Variants in TMEM74 observed in about 807,000 individuals in gnomAD.
The protein encoded by TMEM74 is transmembrane protein 74.
In TMEM74, 13 loss-of-function variants were observed where a neutral mutation model predicts 18.1. The observed-to-expected ratio is 0.72, with a 90% CI of 0.47 to 1.14. The LOEUF is 1.14. TMEM74 is among the 50% of genes most tolerant of loss of function. The probability of loss-of-function intolerance (pLI) is 0.00; values close to 1 mark genes in which losing one functional copy is unlikely to be tolerated. For synonymous variants in TMEM74, 159 were observed against 146.6 expected (o/e 1.08, Z -0.61); for missense variants, 372 against 375.9 (o/e 0.99, Z 0.09).
chr8:108,668,415 T>C (rs1001220775), intron 1 of TMEM74, among the ~76,000 whole-genome samples: 1 of 152,180 alleles, frequency 6.6e-6, no homozygotes, highest in Non-Finnish European at 1.5e-5. Flanking sequence ...GTTAATGTTA[T>C]TAGGGAAGTT....
chr8:108,696,853 T>C (rs1351780522), intron 1 of TMEM74, among the ~76,000 whole-genome samples: 1 of 152,214 alleles, frequency 6.6e-6, no homozygotes, highest in African/African-American at 2.4e-5. Flanking sequence ...ACAGGCCTTA[T>C]TTGTGTTCAT....
At chr8:108,649,782 C>T (rs1286325783) in intron 2 of TMEM74, among the ~76,000 whole-genome samples, 1 of 152,128 alleles carries the variant, frequency 6.6e-6, no homozygotes, top group Non-Finnish European at 1.5e-5. Flanking sequence ...CTGCACTGTT[C>T]AGTAGCCAGG....
intron 1 of TMEM74, among the ~76,000 whole-genome samples, chr8:108,657,821 T>G (rs1812849674): frequency 2.6e-5 from 3 of 114,484 alleles, no homozygotes; most frequent in African/African-American, 3.6e-5. Context: ...GTAGCCTGGG[T>G]GACAGAGTGA....
intron 1 of TMEM74, among the ~76,000 whole-genome samples, chr8:108,751,332 A>C (rs1341354759): frequency 6.6e-6 from 1 of 152,146 alleles, no homozygotes; most frequent in East Asian, 1.9e-4. Flanking sequence ...TACATTGTGC[A>C]TCTCATTCCA....
chr8:108,682,737 A>G (rs887370132), intron 1 of TMEM74, among the ~76,000 whole-genome samples: 3 of 152,060 alleles, frequency 2.0e-5, no homozygotes, highest in African/African-American at 7.2e-5. Context: ...GCTTACAAGT[A>G]CTTACAATAT....
intron 1 of TMEM74, among the ~76,000 whole-genome samples, chr8:108,737,508 A>T (rs2130643657): frequency 6.6e-6 from 1 of 152,264 alleles, no homozygotes; most frequent in South Asian, 2.1e-4. Flanking sequence ...AAATGTGTAG[A>T]TTCTAAATAT....
chr8:108,613,504 C>T (rs1192736219), intron 2 of TMEM74, among the ~76,000 whole-genome samples: 7 of 152,208 alleles, frequency 4.6e-5, no homozygotes, highest in African/African-American at 1.7e-4. Context: ...CACGAAATGG[C>T]TCTGGGTATT....
intron 2 of TMEM74, chr8:108,626,817 AT>A (rs1180865579): frequency 6.6e-6 from 1 of 151,990 alleles, no homozygotes; most frequent in Admixed American, 6.6e-5. Flanking sequence ...CATACATTTT[AT>A]CAACACTTCA....
At chr8:108,644,785 T>A (rs1812700779) in intron 2 of TMEM74, among the ~76,000 whole-genome samples, 1 of 152,010 alleles carries the variant, frequency 6.6e-6, no homozygotes. Flanking sequence ...GAAATGTAAG[T>A]CAAAACCACC....
chr8:108,669,121 G>A (rs1482222678), intron 1 of TMEM74, among the ~76,000 whole-genome samples: 3 of 152,020 alleles, frequency 2.0e-5, no homozygotes, highest in Non-Finnish European at 2.9e-5. Flanking sequence ...TTAGGTTGCT[G>A]TTAGAGCATA....
intron 1 of TMEM74, among the ~76,000 whole-genome samples, chr8:108,706,259 A>G (rs2130619362): frequency 6.6e-6 from 1 of 152,348 alleles, no homozygotes; most frequent in Non-Finnish European, 1.5e-5. Flanking sequence ...GGTTCCATTT[A>G]ATTTATAAAA....
intron 1 of TMEM74, among the ~76,000 whole-genome samples, chr8:108,714,826 C>T (rs533746439): frequency 2.0e-5 from 3 of 152,250 alleles, no homozygotes; most frequent in East Asian, 3.9e-4. Context: ...ATATATATAC[C>T]ATGGAATACC....
At chr8:108,765,576 T>C (rs1323469134) in intron 1 of TMEM74, among the ~76,000 whole-genome samples, 2 of 151,716 alleles carry the variant, frequency 1.3e-5, no homozygotes, top group East Asian at 2.0e-4. Context: ...CCCGGCTAAT[T>C]TTTTGTATGT....
rs948057406 is a variant in TMEM74 at position 108,730,226 on chromosome 8, G to A, written n.119+57250C>T. ...ATGCTGATCAATAGAGTGGGGCTGG[G>A]GAGTCAAGCTGGCAGGCTGGGCTGT... is the stretch of plus-strand genomic sequence containing the variant. On this transcript the variant is annotated intron_variant and non_coding_transcript_variant, in intron 1 of 3. Coordinates refer to the TMEM74 transcript ENST00000518838. Among the ~76,000 whole-genome samples the A allele has an allele frequency of 1.1e-3, 168 of 152,282 alleles. 1 individual carries two copies. The highest frequency in any genetic ancestry group is 3.8e-3 in the African/African-American group (158 of 41,550).
intron 1 of TMEM74, among the ~76,000 whole-genome samples, chr8:108,657,484 C>A (rs1045532224): frequency 1.4e-4 from 21 of 151,778 alleles, no homozygotes; most frequent in Non-Finnish European, 2.6e-4. Context: ...TCTGAAGCAA[C>A]CAGAAATGGG....
At chr8:108,744,951 C>A (rs1813835177) in intron 1 of TMEM74, among the ~76,000 whole-genome samples, 1 of 152,156 alleles carries the variant, frequency 6.6e-6, no homozygotes, top group South Asian at 2.1e-4. Flanking sequence ...CCAGCTTAAT[C>A]TTCCATTTTG....
chr8:108,613,222 A>G (rs1812350010), intron 2 of TMEM74, among the ~76,000 whole-genome samples: 1 of 152,110 alleles, frequency 6.6e-6, no homozygotes, highest in African/African-American at 2.4e-5. Flanking sequence ...AAATTCAACC[A>G]TTGTGAAATT....
At chr8:108,607,068 G>C (rs1440635852) in exon 4 of TMEM74, 1 of 152,206 alleles carries the variant, frequency 6.6e-6, no homozygotes, top group Non-Finnish European at 1.5e-5. Flanking sequence ...CTTTCCACTT[G>C]GCTTGGGCTT....
At chr8:108,687,328 C>A (rs6469198) in intron 1 of TMEM74, among the ~76,000 whole-genome samples, 67,056 of 150,610 alleles carry the variant, frequency 0.45, 15,205 homozygotes, top group East Asian at 0.7. Context: ...AGGAAAGATC[C>A]ATCAACAAAG....
Sources: allele counts gnomAD v4.1 joint callset (sites outside exome capture counted in the v4.1 genomes callset), GRCh38; gene constraint gnomAD v4.1.1; transcripts MANE v1.5; gene names NCBI Gene and HGNC (gene_info 2026-07-23, HGNC 2026-07-21).